The following PACRG variants were observed in gnomAD, a reference collection of about 807,000 sequenced individuals.
PACRG encodes the protein parkin coregulated gene protein.
PACRG carries 29 observed loss-of-function variants against 29.7 expected under a neutral mutation model. The observed-to-expected ratio is 0.98, with a 90% CI of 0.73 to 1.33. The LOEUF (loss-of-function observed/expected upper bound fraction) is 1.33, where lower values mean the gene tolerates loss of function less well. Ranked by LOEUF, PACRG falls within the 40% of genes most tolerant of loss-of-function variation. PACRG has a pLI of 0.00. For missense variants in PACRG, 279 were observed against 316.2 expected, an observed-to-expected ratio of 0.88 and a Z score of 0.89; for synonymous variants, 116 against 118.7, an observed-to-expected ratio of 0.98 and a Z score of 0.15.
intron 1 of PACRG, among the ~76,000 whole-genome samples, chr6:162,797,330 T>G (rs1785466508): frequency 6.6e-6 from 1 of 152,168 alleles, no homozygotes; most frequent in Non-Finnish European, 1.5e-5. Context: ...CTGTAGATTT[T>G]ATACCTAAAG....
At chr6:163,223,164 C>T (rs775323915) in intron 4 of PACRG, among the ~76,000 whole-genome samples, 18 of 152,096 alleles carry the variant, frequency 1.2e-4, no homozygotes, top group Non-Finnish European at 2.1e-4. Context: ...GGGGCCGAGG[C>T]GGGTGAATCA....
chr6:162,957,775 C>G (rs759032067), intron 2 of PACRG, among the ~76,000 whole-genome samples: 12 of 151,926 alleles, frequency 7.9e-5, no homozygotes, highest in Non-Finnish European at 1.3e-4. Context: ...GTTAGGAAAT[C>G]TAACTTGAAT....
At chr6:163,058,749 A>G (rs1562875204) in intron 2 of PACRG, among the ~76,000 whole-genome samples, 2 of 152,106 alleles carry the variant, frequency 1.3e-5, no homozygotes, top group Non-Finnish European at 1.5e-5. Flanking sequence ...AATACAAAAA[A>G]TTTAGCCAGG....
chr6:163,164,534 A>G (rs1220939350), intron 4 of PACRG, among the ~76,000 whole-genome samples: 1 of 152,204 alleles, frequency 6.6e-6, no homozygotes, highest in African/African-American at 2.4e-5. Context: ...CCCTCGCTTG[A>G]GTTAAGAAGC....
intron 4 of PACRG, among the ~76,000 whole-genome samples, chr6:163,267,564 A>G (rs1489344315): frequency 6.6e-6 from 1 of 152,250 alleles, no homozygotes; most frequent in African/African-American, 2.4e-5. Context: ...TCTTTGAAGT[A>G]TCTACTATAA....
intron 2 of PACRG, among the ~76,000 whole-genome samples, chr6:162,944,874 G>C (rs9456820): frequency 6.6e-6 from 1 of 151,734 alleles, no homozygotes; most frequent in Non-Finnish European, 1.5e-5. Flanking sequence ...TGTACCAGAA[G>C]GTGAAGAAAA....
chr6:163,133,984 C>G (rs571600418), intron 4 of PACRG, among the ~76,000 whole-genome samples: 45 of 152,312 alleles, frequency 3.0e-4, no homozygotes, highest in African/African-American at 9.6e-4. Context: ...TGCATATACA[C>G]TTTGTTCTTG....
intron 4 of PACRG, among the ~76,000 whole-genome samples, chr6:163,255,911 C>T (rs1365510693): frequency 6.6e-6 from 1 of 152,216 alleles, no homozygotes; most frequent in Non-Finnish European, 1.5e-5. Context: ...GCTGGGTTTA[C>T]AGGTGTGAGC....
chr6:163,011,371 T>C (rs963426587), intron 2 of PACRG, among the ~76,000 whole-genome samples: 46 of 152,336 alleles, frequency 3.0e-4, no homozygotes, highest in African/African-American at 1.1e-3. Context: ...CTGAATACTG[T>C]AGACAATTGT....
intron 4 of PACRG, among the ~76,000 whole-genome samples, chr6:163,201,669 G>A (rs902461183): frequency 5.3e-5 from 8 of 152,234 alleles, no homozygotes; most frequent in Non-Finnish European, 1.0e-4. Context: ...CAAGGAGGGG[G>A]CAGGATGCAG....
chr6:162,758,920 A>G (rs1782140134), intron 1 of PACRG, among the ~76,000 whole-genome samples: 1 of 152,236 alleles, frequency 6.6e-6, no homozygotes, highest in African/African-American at 2.4e-5. Flanking sequence ...ATTTCACTAA[A>G]AAATGACATG....
chr6:162,901,064 T>A (rs118180576), intron 2 of PACRG, among the ~76,000 whole-genome samples: 2,020 of 152,274 alleles, frequency 0.013, 25 homozygotes, highest in Middle Eastern at 0.027. Flanking sequence ...ATATATAATA[T>A]ACAGATACAT....
At chr6:163,077,347 A>G (rs541378207) in intron 3 of PACRG, among the ~76,000 whole-genome samples, 1 of 152,296 alleles carries the variant, frequency 6.6e-6, no homozygotes, top group African/African-American at 2.4e-5. Flanking sequence ...TAGACGGGCC[A>G]TAACACGGTG....
chr6:163,169,141 A>G (rs1279086334), intron 4 of PACRG, among the ~76,000 whole-genome samples: 1 of 152,208 alleles, frequency 6.6e-6, no homozygotes, highest in African/African-American at 2.4e-5. Context: ...CAAGATGAGA[A>G]GCAGTGTTGA....
intron 1 of PACRG, among the ~76,000 whole-genome samples, chr6:162,791,286 A>T (rs1584368224): frequency 7.1e-6 from 1 of 140,286 alleles, no homozygotes; most frequent in Non-Finnish European, 1.5e-5. Context: ...TCTTTTCCCC[A>T]CTCTGACTCC....
rs866746411 is a variant in PACRG, at chr6:162,986,475, C to T, written c.292-75675C>T. On this transcript the variant is annotated intron_variant, in intron 2 of 4. Coordinates refer to ENST00000366888, the MANE Select transcript of PACRG (RefSeq NM_001080379.2). ...TAAAGTGGGGAAAGGACACCCTGTT[C>T]AACAAATGGTGCTGGGAATATTGGC... Among the ~76,000 whole-genome samples the T allele has an allele frequency of 6.6e-5, 10 of 152,202 alleles. No individual in the cohort carries two copies. In the Middle Eastern group the frequency reaches 0.01, roughly 155 times the overall value.
Position 163,221,976 on chromosome 6 carries a change from C to T in PACRG, c.614-92851C>T, listed in dbSNP as rs1395435199. Among the ~76,000 whole-genome samples, 3 of 152,174 alleles carry T rather than the reference C, an allele frequency of 2.0e-5. No homozygotes were observed. In the East Asian group the frequency reaches 5.8e-4, roughly 29 times the overall value. On this transcript the variant is annotated intron_variant, in intron 4 of 4. Transcript: ENST00000366888. ...TAGAAGGTATGAGAATACAGACAGG[C>T]TGCACCCTGATCACCTGGCGATATT... is the stretch of plus-strand genomic sequence containing the variant.
intron 2 of PACRG, among the ~76,000 whole-genome samples, chr6:162,969,558 G>T (rs940464549): frequency 6.6e-6 from 1 of 152,014 alleles, no homozygotes; most frequent in African/African-American, 2.4e-5. Flanking sequence ...CCACTGCAAG[G>T]ACTTACCATT....
intron 2 of PACRG, among the ~76,000 whole-genome samples, chr6:162,949,030 A>G (rs998472761): frequency 2.6e-5 from 4 of 152,176 alleles, no homozygotes; most frequent in African/African-American, 9.7e-5. Flanking sequence ...GGAAATCAGT[A>G]TATCAAAAAG....
Sources: allele counts gnomAD v4.1 joint callset (sites outside exome capture counted in the v4.1 genomes callset), GRCh38; gene constraint gnomAD v4.1.1; transcripts MANE v1.5; gene names NCBI Gene and HGNC (gene_info 2026-07-23, HGNC 2026-07-21).